Variants in MAP7 observed in about 807,000 individuals in gnomAD.
The protein encoded by MAP7 is ensconsin.
In MAP7, 52 loss-of-function variants were observed where a neutral mutation model predicts 94.8. That is an observed-to-expected ratio of 0.55 (90% CI 0.44 to 0.69). MAP7 has a LOEUF of 0.69. MAP7 is among the 30% of genes least tolerant of loss of function. MAP7 has a pLI of 0.00. For missense variants in MAP7, 940 were observed against 964.6 expected (o/e 0.97, Z 0.34); for synonymous variants, 350 against 357.0 (o/e 0.98, Z 0.22).
intron 1 of MAP7, among the ~76,000 whole-genome samples, chr6:136,504,851 T>C (rs1406621518): frequency 1.3e-5 from 2 of 152,250 alleles, no homozygotes; most frequent in East Asian, 1.9e-4. Flanking sequence ...GGCTAATTTT[T>C]GTATTTTTAG....
chr6:136,542,640 A>G (rs1334625511), intron 1 of MAP7, among the ~76,000 whole-genome samples: 1 of 152,174 alleles, frequency 6.6e-6, no homozygotes, highest in Non-Finnish European at 1.5e-5. Context: ...ACTTCCGTCT[A>G]TAATCAACTT....
intron 3 of MAP7, among the ~76,000 whole-genome samples, chr6:136,409,476 A>G (rs1334543972): frequency 6.6e-6 from 1 of 152,268 alleles, no homozygotes; most frequent in Non-Finnish European, 1.5e-5. Context: ...AGAATAATAC[A>G]ATCATCTAGA....
intron 9 of MAP7, 63 bp downstream of exon 9, chr6:136,366,264 G>T: frequency 7.7e-7 from 1 of 1,301,682 alleles, no homozygotes; most frequent in Non-Finnish European, 1.1e-6. Flanking sequence ...TTCACTTTCA[G>T]AGGAGAGAGC....
chr6:136,529,963 T>C (rs1828336418), intron 1 of MAP7, among the ~76,000 whole-genome samples: 1 of 152,204 alleles, frequency 6.6e-6, no homozygotes, highest in African/African-American at 2.4e-5. Context: ...TGGGCCTAGC[T>C]GTCACAATGC....
intron 3 of MAP7, among the ~76,000 whole-genome samples, chr6:136,405,061 T>C (rs1319923281): frequency 1.3e-5 from 2 of 152,332 alleles, no homozygotes; most frequent in South Asian, 2.1e-4. Flanking sequence ...GACTGAACTA[T>C]CATAAGGGCA....
chr6:136,424,215 T>C (rs543818588), intron 1 of MAP7, among the ~76,000 whole-genome samples: 1 of 151,784 alleles, frequency 6.6e-6, no homozygotes, highest in African/African-American at 2.4e-5. Context: ...AAAATCCTCA[T>C]TAACTAGAAG....
chr6:136,432,235 C>T (rs558577103), intron 1 of MAP7, among the ~76,000 whole-genome samples: 70 of 152,292 alleles, frequency 4.6e-4, no homozygotes, highest in South Asian at 2.1e-4. Context: ...AGAGATCCTA[C>T]TGGCTACAGA....
intron 3 of MAP7, among the ~76,000 whole-genome samples, chr6:136,393,424 T>A (rs1241565808): frequency 6.6e-6 from 1 of 152,146 alleles, no homozygotes; most frequent in Non-Finnish European, 1.5e-5. Context: ...GAGCTCCACC[T>A]CTCGTATTTA....
intron 16 of MAP7, 41 bp from the exon 17 acceptor site, chr6:136,346,120 T>A (rs1348152481): frequency 7.8e-7 from 1 of 1,286,540 alleles, no homozygotes. Flanking sequence ...AAGTTAGTCT[T>A]AAAACTGGAA....
intron 1 of MAP7, among the ~76,000 whole-genome samples, chr6:136,428,434 C>T (rs9402811): frequency 0.81 from 122,871 of 151,974 alleles, 49,908 homozygotes; most frequent in Middle Eastern, 0.86. Flanking sequence ...GCAGGAGAAT[C>T]GCTTGAACCC....
At chr6:136,360,867 C>T in intron 12 of MAP7, 69 bp from the exon 13 acceptor site, 1 of 1,582,430 alleles carries the variant, frequency 6.3e-7, no homozygotes, top group Non-Finnish European at 8.6e-7. Context: ...AGGGGGTGCC[C>T]AGAGGTGGGG....
intron 1 of MAP7, among the ~76,000 whole-genome samples, chr6:136,538,939 G>A (rs1219731075): frequency 6.6e-6 from 1 of 152,030 alleles, no homozygotes; most frequent in Non-Finnish European, 1.5e-5. Context: ...CATCCCAAGT[G>A]CTTTAATGAT....
intron 1 of MAP7, among the ~76,000 whole-genome samples, chr6:136,457,524 T>C (rs1361813664): frequency 2.6e-5 from 4 of 152,076 alleles, no homozygotes; most frequent in Admixed American, 6.6e-5. Context: ...AAGCAAACTA[T>C]AGGCCAATAA....
At chr6:136,357,968 C>T (rs751022987) in intron 15 of MAP7, among the ~76,000 whole-genome samples, 1 of 152,162 alleles carries the variant, frequency 6.6e-6, no homozygotes, top group Non-Finnish European at 1.5e-5. Context: ...GGTCTGTAAA[C>T]TCGCCTGCCT....
intron 1 of MAP7, among the ~76,000 whole-genome samples, chr6:136,437,263 C>G (rs1402574372): frequency 6.6e-6 from 1 of 152,176 alleles, no homozygotes; most frequent in Non-Finnish European, 1.5e-5. Flanking sequence ...TCCATCTCAG[C>G]CAGCCCAGGA....
At chr6:136,494,636 T>C (rs531203938) in intron 1 of MAP7, among the ~76,000 whole-genome samples, 39 of 152,330 alleles carry the variant, frequency 2.6e-4, no homozygotes, top group African/African-American at 7.9e-4. Flanking sequence ...TCTCATTTCA[T>C]GTACACTGAG....
chr6:136,478,847 C>T (rs1292240759), intron 1 of MAP7, among the ~76,000 whole-genome samples: 9 of 151,572 alleles, frequency 5.9e-5, no homozygotes, highest in Non-Finnish European at 4.4e-5. Flanking sequence ...GGCTTTACTG[C>T]TGAATTTTAC....
chr6:136,483,599 G>A (rs983617073), intron 1 of MAP7, among the ~76,000 whole-genome samples: 2 of 151,952 alleles, frequency 1.3e-5, no homozygotes, highest in Admixed American at 6.6e-5. Flanking sequence ...AAATGAATGC[G>A]ACATTTGGCT....
intron 3 of MAP7, among the ~76,000 whole-genome samples, chr6:136,393,980 T>A (rs867889219): frequency 0.053 from 7,107 of 132,950 alleles, 667 homozygotes; most frequent in East Asian, 0.19. Context: ...GCAAAGGTAT[T>A]TTTTTTTTTT....
Sources: allele counts gnomAD v4.1 joint callset (sites outside exome capture counted in the v4.1 genomes callset), GRCh38; gene constraint gnomAD v4.1.1; transcripts MANE v1.5; gene names NCBI Gene and HGNC (gene_info 2026-07-23, HGNC 2026-07-21).